Variants in MALRD1 observed in about 807,000 individuals in gnomAD.
The protein encoded by MALRD1 is MAM and LDL-receptor class A domain-containing protein 1.
Under a neutral mutation model 242.1 loss-of-function variants are expected in MALRD1, and 247 were observed. That is an observed-to-expected ratio of 1.02 (90% CI 0.92 to 1.13). MALRD1 has a LOEUF of 1.13. Ranked by LOEUF, MALRD1 falls within the 50% of genes most tolerant of loss-of-function variation. MALRD1 has a pLI of 0.00. For synonymous variants in MALRD1, 995 were observed against 866.6 expected (o/e 1.15, Z -2.60); for missense variants, 2,989 against 2,533.1 (o/e 1.18, Z -3.86).
chr10:19,226,638 G>A (rs894851713), intron 18 of MALRD1, among the ~76,000 whole-genome samples: 1 of 151,828 alleles, frequency 6.6e-6, no homozygotes, highest in African/African-American at 2.4e-5. Flanking sequence ...AAGAAAGAAG[G>A]GAGGGAAGGA....
intron 11 of MALRD1, among the ~76,000 whole-genome samples, chr10:19,153,691 G>GA (rs58719373): frequency 0.37 from 53,322 of 143,486 alleles, 9,958 homozygotes; most frequent in Admixed American, 0.43. Context: ...CCTGTCTCAG[G>GA]AAAAAAAAAA....
At chr10:19,095,766 G>A in intron 4 of MALRD1, among the ~76,000 whole-genome samples, 1 of 152,096 alleles carries the variant, frequency 6.6e-6, no homozygotes, top group Non-Finnish European at 1.5e-5. Context: ...ATTAACCGCT[G>A]GAGAAGTTAT....
At chr10:19,511,075 G>A (rs3852467) in intron 31 of MALRD1, among the ~76,000 whole-genome samples, 20,383 of 152,156 alleles carry the variant, frequency 0.13, 1,438 homozygotes, top group East Asian at 0.21. Flanking sequence ...ATATCAGTTA[G>A]TATTTGAGAC....
At chr10:19,730,312 G>A (rs762439056) in intron 38 of MALRD1, among the ~76,000 whole-genome samples, 24 of 152,218 alleles carry the variant, frequency 1.6e-4, no homozygotes, top group Non-Finnish European at 3.1e-4. Context: ...GTTTGGCACT[G>A]TGCAGTGTAA....
At chr10:19,273,714 A>G (rs765386396) in intron 19 of MALRD1, among the ~76,000 whole-genome samples, 1 of 152,216 alleles carries the variant, frequency 6.6e-6, no homozygotes, top group Non-Finnish European at 1.5e-5. Flanking sequence ...AGTGTTTGCC[A>G]TTGTTTAGGG....
At chr10:19,333,206 T>C (rs1355535732) in intron 24 of MALRD1, among the ~76,000 whole-genome samples, 1 of 152,146 alleles carries the variant, frequency 6.6e-6, no homozygotes, top group Non-Finnish European at 1.5e-5. Flanking sequence ...TTCTTGTATG[T>C]TGTGTGATGG....
rs141734100 is a variant in MALRD1 at position 19,192,383 on chromosome 10, A to G, written c.1952-11345A>G. Among the ~76,000 whole-genome samples the G allele has an allele frequency of 2.5e-3, 377 of 152,320 alleles. 2 individuals carry two copies. The highest frequency in any genetic ancestry group is 8.6e-3 in the African/African-American group (358 of 41,568). On this transcript the variant is annotated intron_variant, in intron 14 of 39. Coordinates refer to ENST00000454679, the MANE Select transcript of MALRD1 (RefSeq NM_001142308.3). ...ATCACAATAAAGAAAAAGTAGGGGG[A>G]AAAGCAAATAAGAAGAGGGCTTGAT...
chr10:19,234,691 ATAGATCCT>A, intron 18 of MALRD1, among the ~76,000 whole-genome samples: 1 of 152,178 alleles, frequency 6.6e-6, no homozygotes, highest in East Asian at 1.9e-4. Context: ...TTCCTTGAAA[ATAGATCCT>A]ACTATACTCC....
At chr10:19,625,662 C>T (rs1839620659) in intron 36 of MALRD1, among the ~76,000 whole-genome samples, 1 of 152,162 alleles carries the variant, frequency 6.6e-6, no homozygotes, top group African/African-American at 2.4e-5. Context: ...GTTTAAAACT[C>T]ACCTTCTCTG....
At chr10:19,202,303 C>A (rs1836574025) in intron 14 of MALRD1, among the ~76,000 whole-genome samples, 1 of 152,068 alleles carries the variant, frequency 6.6e-6, no homozygotes, top group Non-Finnish European at 1.5e-5. Flanking sequence ...AACTACTCTG[C>A]TGGCCAAATT....
rs139458735 is a variant in MALRD1, at chr10:19,310,986, A to G, written c.3420-12963A>G. On this transcript the variant is annotated intron_variant, in intron 21 of 39. Coordinates refer to ENST00000454679, the MANE Select transcript of MALRD1 (RefSeq NM_001142308.3). ...CAACATCTATTTTAGTGCTCGTCTC[A>G]GATTAGGCCATGAGAAGAGAAGGAT... 2.7e-3 allele frequency among the ~76,000 whole-genome samples: 414 copies of G among 151,642 alleles called. 2 individuals carry two copies. The highest frequency in any genetic ancestry group is 9.5e-3 in the African/African-American group (392 of 41,470).
chr10:19,071,541 T>C (rs928966026), intron 2 of MALRD1, among the ~76,000 whole-genome samples: 1 of 152,224 alleles, frequency 6.6e-6, no homozygotes, highest in East Asian at 1.9e-4. Flanking sequence ...GCCTCCTCTC[T>C]TTATCTCAAA....
At chr10:19,469,463 T>C (rs1321206074) in intron 29 of MALRD1, among the ~76,000 whole-genome samples, 1 of 152,150 alleles carries the variant, frequency 6.6e-6, no homozygotes, top group Non-Finnish European at 1.5e-5. Flanking sequence ...AATTGTATGC[T>C]TGCTCTTTTC....
At position 19,177,278 on chromosome 10, in the gene MALRD1, C is replaced by CAAA. The variant is rs34742551; in HGVS notation, c.1951+1964_1951+1966dup. On this transcript the variant is annotated intron_variant, in intron 14 of 39. Transcript: ENST00000454679. ...CTGGGTGACAGAGCAAGATTCCTCT[C>CAAA]AAAAAAAAAAAAAAAAGATTCACGA... Among the ~76,000 whole-genome samples, 159 of 114,042 alleles carry CAAA rather than the reference C, an allele frequency of 1.4e-3. 3 individuals carry two copies. The highest frequency in any genetic ancestry group is 2.3e-3 in the Admixed American group (26 of 11,370). 74.8% of individuals were successfully genotyped at this position (114,042 alleles called of 152,430 possible).
intron 28 of MALRD1, among the ~76,000 whole-genome samples, chr10:19,429,123 T>C (rs2130939987): frequency 6.6e-6 from 1 of 152,342 alleles, no homozygotes; most frequent in East Asian, 1.9e-4. Context: ...AAAACACACT[T>C]GACGACAAAG....
intron 36 of MALRD1, among the ~76,000 whole-genome samples, chr10:19,622,933 A>G (rs1252038634): frequency 6.6e-6 from 1 of 152,016 alleles, no homozygotes; most frequent in African/African-American, 2.4e-5. Flanking sequence ...AAAAGGGAGT[A>G]TTGGGGCAAC....
At chr10:19,688,496 A>G (rs533320996) in intron 36 of MALRD1, among the ~76,000 whole-genome samples, 1 of 151,428 alleles carries the variant, frequency 6.6e-6, no homozygotes, top group Admixed American at 6.6e-5. Flanking sequence ...CCTGGCCTCA[A>G]GTAATCCTCC....
rs758282052 is a variant in MALRD1 at position 19,426,874 on chromosome 10, A to AT, written c.4846-23426dup. Among the ~76,000 whole-genome samples, 286 of 152,058 alleles carry AT rather than the reference A, an allele frequency of 1.9e-3. 1 individual carries two copies. Among genetic ancestry groups the AT allele is most frequent in the Non-Finnish European group, 3.3e-3 (225 of 67,976 alleles). On this transcript the variant is annotated intron_variant, in intron 28 of 39. Transcript: ENST00000454679. ...AGTCTATGGGTAGGATTTTATATAT[A>AT]TTTTTTTCCTTTTAAATGTGGTCTC...
intron 33 of MALRD1, among the ~76,000 whole-genome samples, chr10:19,570,094 TA>T (rs1836451677): frequency 6.6e-6 from 1 of 151,970 alleles, no homozygotes; most frequent in African/African-American, 2.4e-5. Flanking sequence ...AAGGACGATT[TA>T]AAAACAAAAC....
Sources: allele counts gnomAD v4.1 joint callset (sites outside exome capture counted in the v4.1 genomes callset), GRCh38; gene constraint gnomAD v4.1.1; transcripts MANE v1.5; gene names NCBI Gene and HGNC (gene_info 2026-07-23, HGNC 2026-07-21).